Variants in RPS6KC1 observed in about 807,000 individuals in gnomAD.
RPS6KC1 encodes the protein ribosomal protein S6 kinase C1.
In RPS6KC1, 54 loss-of-function variants were observed where a neutral mutation model predicts 103.8. The observed-to-expected ratio is 0.52, with a 90% CI of 0.42 to 0.65. RPS6KC1 has a LOEUF of 0.65. Among genes scored for constraint, RPS6KC1 ranks in the 30% least tolerant of loss-of-function variants. The pLI is 0.00. For missense variants in RPS6KC1, 1,151 were observed against 1,253.8 expected, an observed-to-expected ratio of 0.92 and a Z score of 1.24; for synonymous variants, 439 against 438.7, an observed-to-expected ratio of 1.00 and a Z score of -0.01.
chr1:213,549,607 TTTTCC>T, the RPS6KC1 span, among the ~76,000 whole-genome samples: 9 of 122,710 alleles, frequency 7.3e-5, no homozygotes, highest in East Asian at 2.1e-3. Context: ...CTTCTTTTTC[TTTTCC>T]TTTTTTTTTT....
At chr1:213,421,628 C>G in the RPS6KC1 span, among the ~76,000 whole-genome samples, 1 of 152,244 alleles carries the variant, frequency 6.6e-6, no homozygotes, top group East Asian at 1.9e-4. Flanking sequence ...CCCTCAGCCT[C>G]TCTTACCCCT....
chr1:213,414,473 G>A, the RPS6KC1 span, among the ~76,000 whole-genome samples: 1 of 152,172 alleles, frequency 6.6e-6, no homozygotes, highest in Non-Finnish European at 1.5e-5. Flanking sequence ...GAGGTGATGT[G>A]AAGAAGGAGG....
At chr1:213,235,685 G>C (rs1483635358) in intron 10 of RPS6KC1, among the ~76,000 whole-genome samples, 2 of 152,174 alleles carry the variant, frequency 1.3e-5, no homozygotes, top group African/African-American at 4.8e-5. Context: ...AGAAAGAGCA[G>C]TAGGAGGAAT....
At chr1:213,269,794 A>G (rs2094999339) in intron 14 of RPS6KC1, among the ~76,000 whole-genome samples, 2 of 152,096 alleles carry the variant, frequency 1.3e-5, no homozygotes, top group African/African-American at 4.8e-5. Context: ...GTGCTCCTGT[A>G]GTCCCAGCTG....
At chr1:213,614,334 G>A in the RPS6KC1 span, among the ~76,000 whole-genome samples, 18 of 152,322 alleles carry the variant, frequency 1.2e-4, no homozygotes, top group East Asian at 3.9e-4. Flanking sequence ...GTACCACTAC[G>A]GTTTCTACAG....
At chr1:213,581,210 G>A in the RPS6KC1 span, among the ~76,000 whole-genome samples, 1 of 151,936 alleles carries the variant, frequency 6.6e-6, no homozygotes, top group Non-Finnish European at 1.5e-5. Flanking sequence ...AGTGACTGTA[G>A]TCCAACTGAC....
chr1:213,661,185 GC>G, the RPS6KC1 span, among the ~76,000 whole-genome samples: 2 of 152,156 alleles, frequency 1.3e-5, no homozygotes, highest in African/African-American at 4.8e-5. Flanking sequence ...CAGACATGCA[GC>G]CTTTTTTGAA....
At chr1:213,242,477 T>C (rs1558618759) in intron 11 of RPS6KC1, 92 bp from the exon 12 acceptor site, 4 of 1,157,704 alleles carry the variant, frequency 3.5e-6, no homozygotes, top group Non-Finnish European at 3.8e-6. Context: ...TTAATGATAC[T>C]GTTTTTAGCT....
At chr1:213,646,899 T>TTTTTTTG in the RPS6KC1 span, among the ~76,000 whole-genome samples, 1 of 100,544 alleles carries the variant, frequency 9.9e-6, no homozygotes, top group African/African-American at 3.9e-5. Flanking sequence ...ATATATATAT[T>TTTTTTTG]TTTGTTTGTT....
At chr1:213,686,785 T>A in the RPS6KC1 span, among the ~76,000 whole-genome samples, 1 of 152,340 alleles carries the variant, frequency 6.6e-6, no homozygotes, top group South Asian at 2.1e-4. Context: ...AATACAAGAA[T>A]GCCTACTCCA....
chr1:213,118,995 A>G (rs906155024), intron 5 of RPS6KC1, among the ~76,000 whole-genome samples: 1 of 151,984 alleles, frequency 6.6e-6, no homozygotes, highest in Non-Finnish European at 1.5e-5. Flanking sequence ...TGGGATCCCA[A>G]TGTGATTCTA....
Position 213,051,251 on chromosome 1 carries a change from C to G in RPS6KC1, c.-154C>G, listed in dbSNP as rs1346581952. 1 of 607,900 alleles carries G rather than the reference C, an allele frequency of 1.6e-6. No individual in the cohort carries two copies. Among genetic ancestry groups the G allele is most frequent in the Non-Finnish European group, 2.9e-6 (1 of 342,794 alleles). The allele number at this position is 607,900 out of a possible 1,614,324, so 37.7% of individuals were successfully genotyped here. On this transcript the variant is annotated 5_prime_UTR_variant, in exon 1 of 15. Transcript: ENST00000366960. ...GGAAGCTTCTCTGCTGACCCGGAAG[C>G]AGAGCTGTGCAGCTGAGGCGCCGCC...
the RPS6KC1 span, chr1:213,794,587 A>G: frequency 2.6e-5 from 4 of 152,292 alleles, no homozygotes; most frequent in South Asian, 8.3e-4. Context: ...TTAAAAAATC[A>G]CTCCATTTGC....
the RPS6KC1 span, among the ~76,000 whole-genome samples, chr1:213,294,495 T>C: frequency 1.3e-5 from 2 of 152,186 alleles, no homozygotes; most frequent in African/African-American, 4.8e-5. Context: ...TTTGCCTTCA[T>C]AGCTGAATTT....
the RPS6KC1 span, among the ~76,000 whole-genome samples, chr1:213,652,860 AC>A: frequency 6.6e-6 from 1 of 152,182 alleles, no homozygotes; most frequent in Admixed American, 6.5e-5. Context: ...CAGCCAGCCA[AC>A]CCTCAGAGTC....
intron 12 of RPS6KC1, among the ~76,000 whole-genome samples, chr1:213,252,392 A>G (rs2094561695): frequency 1.3e-5 from 2 of 152,202 alleles, no homozygotes; most frequent in South Asian, 2.1e-4. Context: ...CTCTACTCCT[A>G]AATCCATTAA....
At chr1:213,245,114 C>T (rs1489508216) in intron 12 of RPS6KC1, among the ~76,000 whole-genome samples, 1 of 152,120 alleles carries the variant, frequency 6.6e-6, no homozygotes, top group East Asian at 1.9e-4. Flanking sequence ...GCTCGTACCC[C>T]TTACTTATAA....
chr1:213,087,406 G>A (rs1222734474), intron 3 of RPS6KC1, among the ~76,000 whole-genome samples: 1 of 152,166 alleles, frequency 6.6e-6, no homozygotes, highest in Non-Finnish European at 1.5e-5. Flanking sequence ...AGTTCCTGGG[G>A]CTCTTACAGT....
chr1:213,372,230 T>A, the RPS6KC1 span, among the ~76,000 whole-genome samples: 1 of 152,170 alleles, frequency 6.6e-6, no homozygotes, highest in African/African-American at 2.4e-5. Flanking sequence ...CCTGCACCAC[T>A]TGGGCCGCGG....
Sources: gnomAD v4.1 joint callset for allele counts (sites outside exome capture counted in the v4.1 genomes callset) on GRCh38, gnomAD v4.1.1 for gene constraint, MANE v1.5 for transcripts, NCBI Gene and HGNC (gene_info 2026-07-23, HGNC 2026-07-21) for gene names.